MAPK8: variants seen among roughly 807,000 people sequenced by gnomAD.
MAPK8 encodes the protein JUN N-terminal kinase.
A neutral mutation model predicts 52.9 loss-of-function variants in MAPK8; 13 were observed. The observed-to-expected ratio is 0.25, with a 90% CI of 0.16 to 0.39. The LOEUF is 0.39. MAPK8 is among the 10% of genes least tolerant of loss of function. MAPK8 has a pLI of 1.00. For missense variants in MAPK8, 300 were observed against 519.2 expected (o/e 0.58, Z 4.10); for synonymous variants, 191 against 169.8 (o/e 1.12, Z -0.97).
chr10:48,425,622 A>G lies in MAPK8; in HGVS notation c.689-266A>G, dbSNP rs190772624. The G allele has an allele frequency of 6.3e-4, 217 of 346,108 alleles. 1 individual carries two copies. Among genetic ancestry groups the G allele is most frequent in the African/African-American group, 4.1e-3 (196 of 47,784 alleles). 21.4% of individuals were successfully genotyped at this position (346,108 alleles called of 1,614,324 possible). ...ATTATTCTTAGTTGCTTATCATTTTATTTAGAATTTGTGAGTTTAAGCTTC... is the reference window on the plus strand; with the variant it reads ...ATTATTCTTAGTTGCTTATCATTTTGTTTAGAATTTGTGAGTTTAAGCTTC... On this transcript the variant is annotated intron_variant, in intron 7 of 11. Coordinates refer to ENST00000374189, the MANE Select transcript of MAPK8 (RefSeq NM_001323329.2).
chr10:48,403,909 C>T (rs1394517501), intron 2 of MAPK8, among the ~76,000 whole-genome samples: 4 of 119,274 alleles, frequency 3.4e-5, no homozygotes, highest in Non-Finnish European at 5.2e-5. Context: ...CCACCACGCC[C>T]GGCTAATTTG....
chr10:48,347,446 G>A (rs1036313334), intron 1 of MAPK8, among the ~76,000 whole-genome samples: 1 of 152,182 alleles, frequency 6.6e-6, no homozygotes, highest in African/African-American at 2.4e-5. Context: ...TGTGCAGAAT[G>A]TGCAGGTTTG....
At chr10:48,418,699 A>G (rs1417081153) in intron 5 of MAPK8, among the ~76,000 whole-genome samples, 5 of 152,240 alleles carry the variant, frequency 3.3e-5, no homozygotes, top group Non-Finnish European at 5.9e-5. Context: ...CTATTCTTAT[A>G]TATAGTTAGC....
chr10:48,333,879 G>C (rs192857421), intron 1 of MAPK8, among the ~76,000 whole-genome samples: 2 of 152,336 alleles, frequency 1.3e-5, no homozygotes, highest in Admixed American at 1.3e-4. Context: ...TCGCCAATTT[G>C]CTGCAAGTCA....
chr10:48,307,921 T>C (rs1329525136), intron 1 of MAPK8, among the ~76,000 whole-genome samples: 1 of 152,228 alleles, frequency 6.6e-6, no homozygotes, highest in Non-Finnish European at 1.5e-5. Context: ...GTATAATAGA[T>C]GGACCTTTAA....
chr10:48,402,934 A>G (rs2042234372), intron 2 of MAPK8, among the ~76,000 whole-genome samples: 1 of 152,184 alleles, frequency 6.6e-6, no homozygotes, highest in Non-Finnish European at 1.5e-5. Flanking sequence ...AACAAGGATA[A>G]CCTCAGAAAT....
intron 1 of MAPK8, among the ~76,000 whole-genome samples, chr10:48,348,341 T>G (rs1282490732): frequency 6.6e-6 from 1 of 152,262 alleles, no homozygotes; most frequent in Non-Finnish European, 1.5e-5. Context: ...GTAGGTTGTC[T>G]ATTCACTCTG....
chr10:48,381,367 T>G (rs2040993534), intron 1 of MAPK8, among the ~76,000 whole-genome samples: 1 of 152,200 alleles, frequency 6.6e-6, no homozygotes, highest in Non-Finnish European at 1.5e-5. Context: ...CACCCTCCTC[T>G]CTTTTTTATA....
rs370496608 is a variant in MAPK8, at chr10:48,403,453, G to A, written c.123-1399G>A. 7.2e-4 allele frequency among the ~76,000 whole-genome samples: 105 copies of A among 146,804 alleles called. 1 individual carries two copies. The East Asian group carries it at 0.018, about 25-fold the overall frequency. On this transcript the variant is annotated intron_variant, in intron 2 of 11. Transcript: ENST00000374189. ...AGCCTGGGTGATAGAGTGAGACTCC[G>A]TCTAAAAAAAAAAAAAAAATCAGAG...
chr10:48,313,419 G>T (rs913115456), intron 1 of MAPK8, among the ~76,000 whole-genome samples: 3 of 170 alleles, frequency 0.018, no homozygotes, highest in Admixed American at 0.15. Context: ...GGCGGCAGAG[G>T]TGTAGACTCT....
chr10:48,363,220 G>A (rs1366424094), intron 1 of MAPK8, among the ~76,000 whole-genome samples: 2 of 152,202 alleles, frequency 1.3e-5, no homozygotes, highest in Admixed American at 1.3e-4. Context: ...CCACATGGGA[G>A]CAGGAGTCCT....
Position 48,427,111 on chromosome 10 carries a change from A to G in MAPK8, c.1028A>G (p.Asp343Gly). Residue 343 changes from aspartate (D) to glycine (G), a missense_variant, in exon 10 of 12, where the codon GAT (aspartate) becomes GGT (glycine). Coordinates refer to ENST00000374189, the MANE Select transcript of MAPK8 (RefSeq NM_001323329.2). ...CCAAAGATCCCTGACAAGCAGTTAG[A>G]TGAAAGGGAACACACAATAGAAGAG... The part of the protein sequence containing the change: ...PPPKIPDKQL[D>G]EREHTIEEWK... 1 of 1,613,338 alleles carries G rather than the reference A, an allele frequency of 6.2e-7. No homozygotes were observed. The highest frequency in any genetic ancestry group is 8.5e-7 in the Non-Finnish European group (1 of 1,179,528).
chr10:48,412,154 C>T (rs1318783761), intron 5 of MAPK8, among the ~76,000 whole-genome samples: 1 of 152,196 alleles, frequency 6.6e-6, no homozygotes, highest in Non-Finnish European at 1.5e-5. Flanking sequence ...CCTCTTTCAG[C>T]ACTTTAGATG....
At position 48,413,788 on chromosome 10, in the gene MAPK8, A is replaced by C. The variant is rs1335912418; in HGVS notation, c.450+3620A>C. Among the ~76,000 whole-genome samples the C allele has an allele frequency of 2.2e-5, 3 of 134,518 alleles. No individual in the cohort carries two copies. In the Admixed American group the frequency reaches 2.2e-4, roughly 10 times the overall value. The allele number at this position is 134,518 out of a possible 152,430, so 88.2% of individuals were successfully genotyped here. A position where few individuals can be genotyped will look rare whatever the true frequency, so the allele number is the denominator to read the frequency against. On this transcript the variant is annotated intron_variant, in intron 5 of 11. Coordinates refer to ENST00000374189, the MANE Select transcript of MAPK8 (RefSeq NM_001323329.2). ...ATTGGGAATTGAATATTACCAAGTT[A>C]CCAAAATTGAGTATTTGCCAGAATT...
chr10:48,402,325 T>C (rs1389407957), intron 2 of MAPK8, among the ~76,000 whole-genome samples: 1 of 152,210 alleles, frequency 6.6e-6, no homozygotes, highest in Non-Finnish European at 1.5e-5. Flanking sequence ...TGTATTCCCA[T>C]AGATAATTGT....
At chr10:48,314,521 C>T (rs951449573) in intron 1 of MAPK8, among the ~76,000 whole-genome samples, 17 of 152,162 alleles carry the variant, frequency 1.1e-4, no homozygotes, top group South Asian at 2.1e-4. Flanking sequence ...CTTGTGCATA[C>T]GTCGTGTTGC....
chr10:48,417,136 T>C (rs1317216101), intron 5 of MAPK8, among the ~76,000 whole-genome samples: 1 of 152,232 alleles, frequency 6.6e-6, no homozygotes. Context: ...AAATATTATT[T>C]TGGGGCAAAA....
chr10:48,334,888 T>C (rs547862163), intron 1 of MAPK8, among the ~76,000 whole-genome samples: 81 of 152,246 alleles, frequency 5.3e-4, no homozygotes, highest in Middle Eastern at 3.4e-3. Context: ...CGCAAGTCTC[T>C]CCCCCATTTC....
intron 1 of MAPK8, among the ~76,000 whole-genome samples, chr10:48,388,670 A>G (rs1359942209): frequency 2.0e-5 from 3 of 152,170 alleles, no homozygotes; most frequent in Non-Finnish European, 4.4e-5. Flanking sequence ...CAATTGTGAG[A>G]TTACAAAATA....
Sources: allele counts gnomAD v4.1 joint callset (sites outside exome capture counted in the v4.1 genomes callset), GRCh38; gene constraint gnomAD v4.1.1; transcripts MANE v1.5; gene names NCBI Gene and HGNC (gene_info 2026-07-23, HGNC 2026-07-21).